FRMD6: variants seen among roughly 807,000 people sequenced by gnomAD.
The protein encoded by FRMD6 is FERM domain-containing protein 6.
Under a neutral mutation model 73.2 loss-of-function variants are expected in FRMD6, and 37 were observed. The observed-to-expected ratio is 0.51, with a 90% CI of 0.39 to 0.66. FRMD6 has a LOEUF of 0.66. FRMD6 is among the 30% of genes least tolerant of loss of function. FRMD6 has a pLI of 0.00. For synonymous variants in FRMD6, 273 were observed against 282.2 expected (o/e 0.97, Z 0.33); for missense variants, 714 against 780.5 (o/e 0.91, Z 1.02).
At chr14:51,620,364 A>G (rs1890880565) in intron 2 of FRMD6, among the ~76,000 whole-genome samples, 2 of 152,162 alleles carry the variant, frequency 1.3e-5, no homozygotes, top group African/African-American at 4.8e-5. Flanking sequence ...GGATGAAGGA[A>G]AAAGATTCCG....
intron 9 of FRMD6, among the ~76,000 whole-genome samples, chr14:51,713,176 G>A (rs561727150): frequency 1.3e-5 from 2 of 152,198 alleles, no homozygotes; most frequent in Admixed American, 1.3e-4. Flanking sequence ...CATAGTTCTG[G>A]CCGGGCACAG....
rs1898080466 is a variant in FRMD6 at position 51,728,004 on chromosome 14, A to T, written c.1844A>T (p.Asp615Val). ...TACTTTTCTCTGGATCTCACTCATG[A>T]TGAAGTTCCAGAGTTTGTTGTGTAA... ...SKYFSLDLTH[D>V]EVPEFVV The change falls in exon 14 of 14, where the codon GAT becomes GTT. Residue 615 changes from aspartate (D) to valine (V), a missense_variant. Asp to Val is a radical substitution (Grantham distance 152). Coordinates refer to ENST00000344768, the MANE Select transcript of FRMD6 (RefSeq NM_001267046.2). 1.2e-6 allele frequency: 2 copies of T among 1,611,004 alleles called. No individual in the cohort carries two copies. Among genetic ancestry groups the T allele is most frequent in the South Asian group, 2.2e-5 (2 of 91,028 alleles).
intron 1 of FRMD6, among the ~76,000 whole-genome samples, chr14:51,560,515 G>A (rs1469642459): frequency 6.6e-6 from 1 of 152,064 alleles, no homozygotes; most frequent in South Asian, 2.1e-4. Context: ...ACCAAGTTTC[G>A]CTCTTGTTGC....
chr14:51,716,638 C>T (rs540819338), intron 10 of FRMD6, among the ~76,000 whole-genome samples: 55 of 152,288 alleles, frequency 3.6e-4, no homozygotes, highest in Non-Finnish European at 5.3e-4. Flanking sequence ...TTTGTAATTT[C>T]GTAGCGATTA....
At chr14:51,595,264 G>T (rs1464446938) in intron 2 of FRMD6, among the ~76,000 whole-genome samples, 1 of 152,158 alleles carries the variant, frequency 6.6e-6, no homozygotes, top group Non-Finnish European at 1.5e-5. Context: ...TTAGGCTAAG[G>T]CATTATTGAC....
chr14:51,561,892 A>G (rs571729155), intron 1 of FRMD6, among the ~76,000 whole-genome samples: 2 of 152,348 alleles, frequency 1.3e-5, no homozygotes, highest in African/African-American at 4.8e-5. Context: ...TGAAAAAAAT[A>G]TATATTTAGT....
At chr14:51,645,670 G>A (rs1041821604) in intron 2 of FRMD6, among the ~76,000 whole-genome samples, 2 of 151,832 alleles carry the variant, frequency 1.3e-5, no homozygotes, top group Non-Finnish European at 2.9e-5. Flanking sequence ...GGCTGGTCTC[G>A]AACTCCTGGG....
chr14:51,431,550 C>T, the FRMD6 span, among the ~76,000 whole-genome samples: 1 of 152,232 alleles, frequency 6.6e-6, no homozygotes, highest in Admixed American at 6.5e-5. Flanking sequence ...GCACCTCCTT[C>T]TTAACCAATG....
chr14:51,436,193 T>G, the FRMD6 span: 1 of 297,100 alleles, frequency 3.4e-6, no homozygotes, highest in South Asian at 4.0e-5. Context: ...AAGTACGAAA[T>G]GAAATAGACA....
chr14:51,504,017 T>C (rs1442397331), intron 1 of FRMD6, among the ~76,000 whole-genome samples: 1 of 152,210 alleles, frequency 6.6e-6, no homozygotes, highest in African/African-American at 2.4e-5. Context: ...GTTTATGTCA[T>C]AGAGGTGTTT....
Position 51,709,782 on chromosome 14 carries a change from A to G in FRMD6, c.714+1549A>G, listed in dbSNP as rs1447766178. On this transcript the variant is annotated intron_variant, in intron 7 of 13. Coordinates refer to ENST00000344768, the MANE Select transcript of FRMD6 (RefSeq NM_001267046.2). The stretch of plus-strand genomic sequence containing the variant: ...AGTTTATATTTTAAAATGTATTAGA[A>G]GTATGAATGATATGTTGGAAAGAGT... 6.6e-5 allele frequency among the ~76,000 whole-genome samples: 10 copies of G among 152,318 alleles called. No homozygotes were observed. In the South Asian group the frequency reaches 1.7e-3, roughly 25 times the overall value.
At chr14:51,454,005 G>A in the FRMD6 span, among the ~76,000 whole-genome samples, 18 of 152,312 alleles carry the variant, frequency 1.2e-4, no homozygotes, top group East Asian at 1.9e-4. Flanking sequence ...GCTCTGCTCC[G>A]TGCCAGTCAG....
chr14:51,450,696 G>T, the FRMD6 span, among the ~76,000 whole-genome samples: 21 of 152,136 alleles, frequency 1.4e-4, no homozygotes, highest in African/African-American at 4.8e-4. Flanking sequence ...TTTAAACATT[G>T]ATATATAAAA....
the FRMD6 span, among the ~76,000 whole-genome samples, chr14:51,428,856 G>A: frequency 9.1e-3 from 1,377 of 151,890 alleles, 21 homozygotes; most frequent in African/African-American, 0.031. Flanking sequence ...AGTTTCTTGA[G>A]CCCCAAGCTA....
At chr14:51,684,404 T>C (rs180826815) in intron 1 of FRMD6, among the ~76,000 whole-genome samples, 3 of 152,268 alleles carry the variant, frequency 2.0e-5, no homozygotes, top group East Asian at 3.9e-4. Context: ...ATTCAAGAGG[T>C]TGAAAATTGT....
At chr14:51,589,374 T>C (rs1461469582) in intron 2 of FRMD6, among the ~76,000 whole-genome samples, 1 of 152,054 alleles carries the variant, frequency 6.6e-6, no homozygotes, top group Non-Finnish European at 1.5e-5. Flanking sequence ...TGTTGTTGTT[T>C]TTCTTTTTTC....
chr14:51,482,928 T>C, the FRMD6 span, among the ~76,000 whole-genome samples: 1 of 152,138 alleles, frequency 6.6e-6, no homozygotes, highest in South Asian at 2.1e-4. Context: ...GGTCTCGATC[T>C]CCTGACCTCG....
At chr14:51,530,270 C>T (rs1011103663) in intron 1 of FRMD6, among the ~76,000 whole-genome samples, 6 of 152,170 alleles carry the variant, frequency 3.9e-5, no homozygotes, top group Non-Finnish European at 5.9e-5. Flanking sequence ...CCCAGCTCCA[C>T]TCTCCGTGGC....
chr14:51,502,942 T>C (rs1327207482), intron 1 of FRMD6, among the ~76,000 whole-genome samples: 1 of 152,198 alleles, frequency 6.6e-6, no homozygotes, highest in Non-Finnish European at 1.5e-5. Context: ...CTAGGTATTT[T>C]ATTCTCTTTG....
Sources: allele counts gnomAD v4.1 joint callset (sites outside exome capture counted in the v4.1 genomes callset), GRCh38; gene constraint gnomAD v4.1.1; transcripts MANE v1.5; gene names NCBI Gene and HGNC (gene_info 2026-07-23, HGNC 2026-07-21).